The following FSTL5 variants were observed in gnomAD, a reference collection of about 807,000 sequenced individuals.
FSTL5 encodes the protein follistatin like 5, also known as follistatin-related protein 5.
In FSTL5, 62 loss-of-function variants were observed where a neutral mutation model predicts 89.1. That is an observed-to-expected ratio of 0.70 (90% CI 0.57 to 0.86). The LOEUF (loss-of-function observed/expected upper bound fraction) is 0.86, where lower values mean the gene tolerates loss of function less well. Among genes scored for constraint, FSTL5 ranks in the 40% least tolerant of loss-of-function variants. FSTL5 has a pLI of 0.00. For missense variants in FSTL5, 1,057 were observed against 1,001.6 expected (o/e 1.06, Z -0.75); for synonymous variants, 383 against 346.2 (o/e 1.11, Z -1.18).
intron 4 of FSTL5, among the ~76,000 whole-genome samples, chr4:161,911,287 A>G (rs918267563): frequency 6.6e-6 from 1 of 152,018 alleles, no homozygotes; most frequent in Non-Finnish European, 1.5e-5. Context: ...TATAATTCTG[A>G]GGAAATTTGG....
intron 3 of FSTL5, among the ~76,000 whole-genome samples, chr4:162,028,404 C>A (rs914677697): frequency 5.9e-5 from 9 of 152,024 alleles, no homozygotes; most frequent in African/African-American, 1.9e-4. Flanking sequence ...TGGCAAAACC[C>A]CAACTCTACT....
intron 6 of FSTL5, among the ~76,000 whole-genome samples, chr4:161,749,294 G>T (rs1362198238): frequency 6.6e-6 from 1 of 152,014 alleles, no homozygotes; most frequent in African/African-American, 2.4e-5. Context: ...TCCTCCAATG[G>T]TTGACTGGAT....
At chr4:161,520,401 T>C (rs1200316676) in intron 10 of FSTL5, among the ~76,000 whole-genome samples, 1 of 151,662 alleles carries the variant, frequency 6.6e-6, no homozygotes, top group African/African-American at 2.4e-5. Context: ...TTGAAGGAAA[T>C]TGACTACTTT....
intron 2 of FSTL5, among the ~76,000 whole-genome samples, chr4:162,105,537 A>G (rs541719228): frequency 5.9e-5 from 9 of 152,250 alleles, no homozygotes; most frequent in African/African-American, 1.9e-4. Context: ...TTCTTGCACA[A>G]TCACAAAAAC....
At chr4:161,780,810 C>A (rs1016006993) in intron 4 of FSTL5, among the ~76,000 whole-genome samples, 1 of 152,114 alleles carries the variant, frequency 6.6e-6, no homozygotes, top group Non-Finnish European at 1.5e-5. Context: ...TAGATTATAC[C>A]AATTATGCTT....
chr4:161,948,830 A>T (rs1294797120), intron 3 of FSTL5, among the ~76,000 whole-genome samples: 1 of 151,592 alleles, frequency 6.6e-6, no homozygotes, highest in Non-Finnish European at 1.5e-5. Context: ...TCATATTCTG[A>T]CTTCCATTCT....
chr4:161,780,032 T>C (rs926377548), intron 4 of FSTL5, among the ~76,000 whole-genome samples: 3 of 148,424 alleles, frequency 2.0e-5, no homozygotes, highest in Non-Finnish European at 4.5e-5. Context: ...GAGAGTAAAA[T>C]TAAGGTAAAC....
chr4:161,565,504 C>T (rs1452170346), intron 8 of FSTL5, among the ~76,000 whole-genome samples: 1 of 151,634 alleles, frequency 6.6e-6, no homozygotes, highest in African/African-American at 2.4e-5. Context: ...AAGTGGCAGT[C>T]TTGATTATTA....
rs1406962055 is a variant in FSTL5, at chr4:161,580,561, A to G, written c.1015+6894T>C. ...GCATTCATGAGATTCATAACTATGG[A>G]AAAAAAGGAATGGATTCTAGTGTGG... On this transcript the variant is annotated intron_variant, in intron 8 of 15. Coordinates refer to ENST00000306100, the MANE Select transcript of FSTL5 (RefSeq NM_020116.5). Among the ~76,000 whole-genome samples, 3 of 152,028 alleles carry G rather than the reference A, an allele frequency of 2.0e-5. No homozygotes were observed. In the South Asian group the frequency reaches 6.2e-4, roughly 31 times the overall value.
chr4:161,704,074 T>A (rs1738490954), intron 6 of FSTL5, among the ~76,000 whole-genome samples: 1 of 152,128 alleles, frequency 6.6e-6, no homozygotes, highest in Admixed American at 6.6e-5. Flanking sequence ...GCCTGAGAAC[T>A]GCTAGGGCCA....
intron 4 of FSTL5, among the ~76,000 whole-genome samples, chr4:161,860,037 A>C (rs565766728): frequency 1.4e-3 from 220 of 152,282 alleles, no homozygotes; most frequent in African/African-American, 3.4e-3. Context: ...CCCTGTAATC[A>C]CAGCACTTTG....
At chr4:161,607,134 T>C (rs1734475602) in intron 7 of FSTL5, among the ~76,000 whole-genome samples, 3 of 152,288 alleles carry the variant, frequency 2.0e-5, no homozygotes, top group East Asian at 1.9e-4. Context: ...ATTAGTAATA[T>C]AATGAGTCTG....
rs70937667 is a variant in FSTL5, at chr4:161,611,231, C to CATATATAT, written c.895-23664_895-23657dup. On this transcript the variant is annotated intron_variant, in intron 7 of 15. Transcript: ENST00000306100. ...ATGTGTATATGTGTGTATGTGTATA[C>CATATATAT]ATATATATATATATATATATATATA... is the stretch of plus-strand genomic sequence containing the variant. Among the ~76,000 whole-genome samples the CATATATAT allele has an allele frequency of 7.9e-3, 1,016 of 128,314 alleles. 8 individuals carry two copies. Among genetic ancestry groups the CATATATAT allele is most frequent in the East Asian group, 0.013 (56 of 4,210 alleles). 84.2% of individuals were successfully genotyped at this position (128,314 alleles called of 152,430 possible). A position where few individuals can be genotyped will look rare whatever the true frequency, so the allele number is the denominator to read the frequency against.
In FSTL5 at chr4:161,587,233, A is replaced by G. The variant is rs1733644845; in HGVS notation, c.1015+222T>C. Among the ~76,000 whole-genome samples the G allele has an allele frequency of 2.6e-5, 4 of 151,448 alleles. No homozygotes were observed. The South Asian group carries it at 8.3e-4, about 31-fold the overall frequency. On this transcript the variant is annotated intron_variant, in intron 8 of 15. Transcript: ENST00000306100. ...TCTAATTTTCCAATTAAAATGAGTT[A>G]CTCTAATATTTTATAACAAAAATAG...
At chr4:162,153,690 A>AT in intron 1 of FSTL5, among the ~76,000 whole-genome samples, 1 of 96,158 alleles carries the variant, frequency 1.0e-5, no homozygotes, top group African/African-American at 3.0e-5. Flanking sequence ...TGTATATAAT[A>AT]ATATATATGT....
At chr4:161,579,731 C>CAAAAAAAAAAAAAAAAAAAAA (rs33926609) in intron 8 of FSTL5, among the ~76,000 whole-genome samples, 1 of 98,820 alleles carries the variant, frequency 1.0e-5, no homozygotes, top group African/African-American at 3.3e-5. Context: ...CAAAAACAAA[C>CAAAAAAAAAAAAAAAAAAAAA]AAAAAAAAAA....
rs1579135251 is a variant in FSTL5 at position 161,844,417 on chromosome 4, G to A, written c.410-68343C>T. Among the ~76,000 whole-genome samples the A allele has an allele frequency of 2.0e-5, 3 of 152,182 alleles. No homozygotes were observed. The South Asian group carries it at 6.2e-4, about 32-fold the overall frequency. On this transcript the variant is annotated intron_variant, in intron 4 of 15. Transcript: ENST00000306100. ...AGAACCAGAAATACCATTTGACCCA[G>A]CAATCACATTACTGGGTATATACTC... is the stretch of plus-strand genomic sequence containing the variant.
chr4:161,575,981 C>CA lies in FSTL5; in HGVS notation c.1015+11473dup, dbSNP rs534172235. Among the ~76,000 whole-genome samples the CA allele has an allele frequency of 9.9e-5, 15 of 152,210 alleles. No homozygotes were observed. The East Asian group carries it at 2.9e-3, about 29-fold the overall frequency. ...GAAACTTCAGCAAAGTCTCAGAATA[C>CA]AAAATCAATGTGCAAAAATCACAAC... On this transcript the variant is annotated intron_variant, in intron 8 of 15. Transcript: ENST00000306100.
chr4:161,490,732 G>A (rs1729841269), intron 12 of FSTL5, among the ~76,000 whole-genome samples: 3 of 152,046 alleles, frequency 2.0e-5, no homozygotes, highest in Admixed American at 2.0e-4. Context: ...GTTTTACAGA[G>A]ATAATTATAT....
Sources: allele counts gnomAD v4.1 joint callset (sites outside exome capture counted in the v4.1 genomes callset), GRCh38; gene constraint gnomAD v4.1.1; transcripts MANE v1.5; gene names NCBI Gene and HGNC (gene_info 2026-07-23, HGNC 2026-07-21).